Variants in MGRN1 observed in about 807,000 individuals in gnomAD.
The protein encoded by MGRN1 is E3 ubiquitin-protein ligase MGRN1.
MGRN1 carries 29 observed loss-of-function variants against 69.2 expected under a neutral mutation model. The ratio of observed to expected loss-of-function variants is 0.42; its 90% CI spans 0.31 to 0.57. MGRN1 has a LOEUF of 0.57. Ranked by LOEUF, MGRN1 falls within the 20% of genes least tolerant of loss-of-function variation. The pLI is 0.15. For missense variants in MGRN1, 998 were observed against 796.2 expected, an observed-to-expected ratio of 1.25 and a Z score of -3.05; for synonymous variants, 470 against 344.2, an observed-to-expected ratio of 1.37 and a Z score of -4.04.
chr16:4,632,294 A>G (rs1330217810), intron 1 of MGRN1, among the ~76,000 whole-genome samples: 1 of 112,824 alleles, frequency 8.9e-6, no homozygotes, highest in African/African-American at 2.6e-5. Flanking sequence ...TATTACAGGC[A>G]TGAGCCACTG....
At chr16:4,656,385 T>A (rs902519143) in intron 4 of MGRN1, among the ~76,000 whole-genome samples, 1 of 152,122 alleles carries the variant, frequency 6.6e-6, no homozygotes, top group Non-Finnish European at 1.5e-5. Flanking sequence ...TGCAGACGCA[T>A]GAAAGAGCAG....
chr16:4,689,208 A>T lies in MGRN1; in HGVS notation c.*300A>T, dbSNP rs529307781. ...TGAGCGGCTGGGGCTGGGGCTGCCC[A>T]CGTGTGGCCTCCGCTGGCTCTGCCT... is the stretch of plus-strand genomic sequence containing the variant. On this transcript the variant is annotated 3_prime_UTR_variant, in exon 17 of 17. Coordinates refer to ENST00000262370, the MANE Select transcript of MGRN1 (RefSeq NM_015246.4). The T allele has an allele frequency of 1.5e-5, 5 of 341,040 alleles. No individual in the cohort carries two copies. In the South Asian group the frequency reaches 4.3e-4, roughly 30 times the overall value. 21.1% of individuals were successfully genotyped at this position (341,040 alleles called of 1,614,324 possible).
chr16:4,685,546 G>T (rs931118325), intron 16 of MGRN1, among the ~76,000 whole-genome samples: 1 of 152,256 alleles, frequency 6.6e-6, no homozygotes, highest in Non-Finnish European at 1.5e-5. Flanking sequence ...CGCTCTTGGA[G>T]TTGGCTGCTG....
chr16:4,668,013 C>T (rs1269975564), intron 7 of MGRN1, among the ~76,000 whole-genome samples: 2 of 152,056 alleles, frequency 1.3e-5, no homozygotes, highest in African/African-American at 2.4e-5. Context: ...TTCTGTGGGT[C>T]AGCAGAGGGT....
intron 12 of MGRN1, 42 bp from the exon 13 acceptor site, chr16:4,681,508 G>A (rs753646371): frequency 6.4e-7 from 1 of 1,564,452 alleles, no homozygotes; most frequent in Admixed American, 1.7e-5. Context: ...GGGAGCAGGT[G>A]GTCCCTGGGC....
At chr16:4,635,346 G>A (rs1898226343) in intron 1 of MGRN1, among the ~76,000 whole-genome samples, 1 of 152,142 alleles carries the variant, frequency 6.6e-6, no homozygotes, top group Non-Finnish European at 1.5e-5. Context: ...GAAACCAGGA[G>A]GTGGAGTTCA....
In MGRN1 at chr16:4,681,762, C is replaced by T. The variant is rs777282242; in HGVS notation, c.1344C>T (p.Ser448=). The T allele has an allele frequency of 7.7e-5, 124 of 1,611,596 alleles. No individual in the cohort carries two copies. The South Asian group carries it at 1.1e-3, about 14-fold the overall frequency. The change falls in exon 13 of 17, where the codon AGC becomes AGT. Residue 448 remains serine (S), a synonymous_variant. Transcript: ENST00000262370. ...DSSRQKGRPQ[S]KAPDSTLRSP... is the part of the protein sequence containing the mutation. ...GCCGCCAGAAGGGCAGGCCGCAGAG[C>T]AAGGCCCCCGACAGGTGAGCAGCAG...
Position 4,683,256 on chromosome 16 carries a change from G to T in MGRN1, c.1515G>T (p.Ser505=), listed in dbSNP as rs778144924. Residue 505 remains serine, a synonymous_variant, in exon 15 of 17, where the codon TCG becomes TCT. Transcript: ENST00000262370. ...TAACAGAAGAGGTTGATGAGTCGTC[G>T]TCACCACAGCAAGGTGAGCGCCTCC... The part of the protein sequence containing the change: ...SFITEEVDES[S]SPQQGTRAAS... 5.6e-6 allele frequency: 9 copies of T among 1,613,718 alleles called. No individual in the cohort carries two copies. Among genetic ancestry groups the T allele is most frequent in the Non-Finnish European group, 7.6e-6 (9 of 1,180,002 alleles).
intron 1 of MGRN1, among the ~76,000 whole-genome samples, chr16:4,626,488 CG>C (rs1158182245): frequency 7.2e-5 from 11 of 152,260 alleles, no homozygotes; most frequent in Non-Finnish European, 1.2e-4. Context: ...ATCTGTAAAA[CG>C]GGCTGATGCT....
At chr16:4,669,199 C>G (rs544039813) in intron 8 of MGRN1, 1 of 152,264 alleles carries the variant, frequency 6.6e-6, no homozygotes, top group Non-Finnish European at 1.5e-5. Flanking sequence ...TTCGGGAGGC[C>G]GAGGTGGGCA....
chr16:4,681,296 G>A (rs543928963), intron 12 of MGRN1: 1 of 520,762 alleles, frequency 1.9e-6, no homozygotes, highest in Non-Finnish European at 3.4e-6. Context: ...CAGGGCTGGG[G>A]CGGTTCTTGG....
intron 12 of MGRN1, among the ~76,000 whole-genome samples, chr16:4,680,968 A>C (rs1033775620): frequency 6.6e-6 from 1 of 152,078 alleles, no homozygotes; most frequent in Admixed American, 6.5e-5. Flanking sequence ...CCGCAGTCTG[A>C]CTTCCGTTCC....
intron 2 of MGRN1, 169 bp downstream of exon 2, chr16:4,650,652 G>A (rs183582406): frequency 1.8e-6 from 1 of 547,852 alleles, no homozygotes; most frequent in African/African-American, 1.9e-5. Context: ...GCCCTGGAAT[G>A]GGTTGTGTCC....
intron 13 of MGRN1, 93 bp downstream of exon 13, chr16:4,681,869 G>T: frequency 7.8e-7 from 1 of 1,281,674 alleles, no homozygotes. Flanking sequence ...TTTGTGATGT[G>T]TTCTGTGTGG....
At chr16:4,625,925 T>C (rs1050115717) in intron 1 of MGRN1, among the ~76,000 whole-genome samples, 2 of 152,184 alleles carry the variant, frequency 1.3e-5, no homozygotes, top group Non-Finnish European at 2.9e-5. Flanking sequence ...TGGCGTCTCA[T>C]CTGATCTGAT....
At chr16:4,665,752 C>G (rs992964788) in intron 7 of MGRN1, among the ~76,000 whole-genome samples, 11 of 151,432 alleles carry the variant, frequency 7.3e-5, no homozygotes, top group African/African-American at 2.4e-4. Flanking sequence ...TCACTGCAAC[C>G]TCTGCCTCCC....
Position 4,671,363 on chromosome 16 carries a change from G to A in MGRN1, c.727-28G>A, listed in dbSNP as rs201846590. On this transcript the variant is annotated intron_variant, in intron 8 of 16. Transcript: ENST00000262370. ...AGCCCTCATATGGCAGTTGGCGAGG[G>A]CCCAGTGAGCCCCTCTCTGCTCTCC... 3,565 of 1,612,606 alleles carry A rather than the reference G, an allele frequency of 2.2e-3. 4 individuals are homozygous for A. The highest frequency in any genetic ancestry group is 2.8e-3 in the Non-Finnish European group (3,246 of 1,178,716).
At chr16:4,656,886 TAAATAAATAAATAAATA>T (rs911346222) in intron 4 of MGRN1, among the ~76,000 whole-genome samples, 1 of 1,394 alleles carries the variant, frequency 7.2e-4, no homozygotes, top group Admixed American at 8.2e-3. Flanking sequence ...ATCTCAAAAA[TAAATAAATAAATAAATA>T]AATAAATAAA....
At chr16:4,667,457 G>A (rs2141932283) in intron 7 of MGRN1, among the ~76,000 whole-genome samples, 1 of 152,364 alleles carries the variant, frequency 6.6e-6, no homozygotes, top group Non-Finnish European at 1.5e-5. Context: ...GGACTCGTCA[G>A]AAGCCACGGT....
Sources: gnomAD v4.1 joint callset for allele counts (sites outside exome capture counted in the v4.1 genomes callset) on GRCh38, gnomAD v4.1.1 for gene constraint, MANE v1.5 for transcripts, NCBI Gene and HGNC (gene_info 2026-07-23, HGNC 2026-07-21) for gene names.